The following SPEN variants were observed in gnomAD, a reference collection of about 807,000 sequenced individuals.
SPEN encodes spen family transcriptional repressor.
A neutral mutation model predicts 269.9 loss-of-function variants in SPEN; 18 were observed. The observed-to-expected ratio is 0.07, with a 90% CI of 0.05 to 0.10. The LOEUF is 0.10. Ranked by LOEUF, SPEN falls within the 10% of genes least tolerant of loss-of-function variation. SPEN has a pLI of 1.00. For synonymous variants in SPEN, 1,726 were observed against 1,765.7 expected (o/e 0.98, Z 0.56); for missense variants, 3,822 against 4,631.2 (o/e 0.83, Z 5.07).
In SPEN at chr1:15,934,944, G is replaced by A; in HGVS notation, c.8704G>A (p.Val2902Met). Residue 2902 changes from valine to methionine, a missense_variant, in exon 11 of 15, where the codon GTG (valine) becomes ATG (methionine). Physicochemically the swap from Val to Met is conservative, Grantham distance 21 (BLOSUM62 1). Coordinates refer to ENST00000375759, the MANE Select transcript of SPEN (RefSeq NM_015001.3). The surrounding 1 kb of genome is among the most constrained non-coding windows in gnomAD (Gnocchi z 9.2). The stretch of plus-strand genomic sequence containing the variant: ...TAATGCCTCTCCTGTGATTTCGTCT[G>A]TGAAGGCCGATAGGCCATCCTTGGA... ...TYNASPVISS[V>M]KADRPSLEKP... 6.2e-7 allele frequency: 1 copy of A among 1,613,982 alleles called. No individual in the cohort carries two copies. Among genetic ancestry groups the A allele is most frequent in the South Asian group, 1.1e-5 (1 of 91,074 alleles).
chr1:15,882,246 A>G (rs1207484559), intron 3 of SPEN, among the ~76,000 whole-genome samples: 1 of 152,218 alleles, frequency 6.6e-6, no homozygotes, highest in Non-Finnish European at 1.5e-5. Flanking sequence ...CTTTCAACAG[A>G]ACATTTTAAA....
chr1:15,876,633 C>T lies in SPEN; in HGVS notation c.836C>T (p.Ser279Phe), dbSNP rs763187352. The change falls in exon 3 of 15, where the codon TCC becomes TTC. Residue 279 changes from serine (S) to phenylalanine (F), a missense_variant. Transcript: ENST00000375759. ...PSGSGSRSRS[S>F]SSDSISSSSS... ...GGCAGCGGCTCTAGAAGTAGATCCT[C>T]CAGTAGTGATTCAATCAGCAGCAGC... 1 of 1,613,720 alleles carries T rather than the reference C, an allele frequency of 6.2e-7. No homozygotes were observed.
intron 3 of SPEN, among the ~76,000 whole-genome samples, chr1:15,884,597 A>G (rs1219198999): frequency 6.6e-6 from 1 of 152,166 alleles, no homozygotes; most frequent in Non-Finnish European, 1.5e-5. Context: ...AAGGAATGCT[A>G]ATTTTATTAC....
chr1:15,934,276 T>C lies in SPEN; in HGVS notation c.8036T>C (p.Leu2679Pro), dbSNP rs1363260197. 1 of 1,614,072 alleles carries C rather than the reference T, an allele frequency of 6.2e-7. No individual in the cohort carries two copies. The highest frequency in any genetic ancestry group is 1.3e-5 in the African/African-American group (1 of 74,916). The change falls in exon 11 of 15, where the codon CTG (leucine) becomes CCG (proline). Residue 2679 changes from leucine to proline, a missense_variant. Physicochemically the swap from Leu to Pro is moderately conservative, Grantham distance 98. Around this residue, in one of 16 missense-constraint regions of SPEN, gnomAD observed 329 missense variants for 431.2 expected, o/e 0.76. Coordinates refer to ENST00000375759, the MANE Select transcript of SPEN (RefSeq NM_015001.3). The surrounding 1 kb of genome is among the most constrained non-coding windows in gnomAD (Gnocchi z 9.2). ...KGPVKGSVTT[L>P]KSLVSTPAGP... Reference sequence around the variant, plus strand: ...CCCGTGAAGGGCTCAGTGACCACACTGAAAAGTTTGGTGAGCACCCCTGCT... The same window carrying C: ...CCCGTGAAGGGCTCAGTGACCACACCGAAAAGTTTGGTGAGCACCCCTGCT...
rs914810214 is a variant in SPEN, at chr1:15,936,418, A to T, written c.10026+152A>T. ...CACTGTGGGAGGCCCAGATGGGAGG[A>T]CTGCTTAAGCCCGGGAGTTCGAGAC... is the stretch of plus-strand genomic sequence containing the variant. On this transcript the variant is annotated intron_variant, in intron 11 of 14. Coordinates refer to ENST00000375759, the MANE Select transcript of SPEN (RefSeq NM_015001.3). The T allele has an allele frequency of 8.7e-6, 11 of 1,257,362 alleles. No individual in the cohort carries two copies. The African/African-American group carries it at 1.5e-4, about 17-fold the overall frequency. 77.9% of individuals were successfully genotyped at this position (1,257,362 alleles called of 1,614,324 possible).
At chr1:15,864,702 T>G (rs1376170495) in intron 1 of SPEN, among the ~76,000 whole-genome samples, 1 of 149,242 alleles carries the variant, frequency 6.7e-6, no homozygotes, top group African/African-American at 2.5e-5. Context: ...CTGGAACTAC[T>G]GGGCTCGAGC....
intron 1 of SPEN, among the ~76,000 whole-genome samples, chr1:15,859,358 CTTTTTTTTTT>C (rs143092339): frequency 8.7e-6 from 1 of 115,606 alleles, no homozygotes; most frequent in East Asian, 2.5e-4. Flanking sequence ...TTTTTCTTTT[CTTTTTTTTTT>C]TTTTTTTGAG....
At chr1:15,891,293 C>A (rs1418006307) in intron 3 of SPEN, among the ~76,000 whole-genome samples, 4 of 151,846 alleles carry the variant, frequency 2.6e-5, no homozygotes, top group Non-Finnish European at 4.4e-5. Context: ...CTCAAGGGAT[C>A]CCCTCACCTC....
intron 1 of SPEN, among the ~76,000 whole-genome samples, chr1:15,865,506 T>C (rs2070496350): frequency 6.9e-6 from 1 of 144,328 alleles, no homozygotes; most frequent in African/African-American, 2.6e-5. Flanking sequence ...CACTGCAGCC[T>C]CCACCTCCTG....
chr1:15,924,215 GAAA>G, intron 10 of SPEN, among the ~76,000 whole-genome samples: 2 of 152,192 alleles, frequency 1.3e-5, no homozygotes, highest in African/African-American at 4.8e-5. Context: ...TGTCAAGAGA[GAAA>G]AAAATTCTCT....
intron 3 of SPEN, among the ~76,000 whole-genome samples, chr1:15,896,516 C>A (rs2070844089): frequency 6.6e-6 from 1 of 152,044 alleles, no homozygotes; most frequent in Non-Finnish European, 1.5e-5. Flanking sequence ...CTTTAGTGAC[C>A]ATCAACACTA....
chr1:15,873,964 G>C (rs1012763882), intron 2 of SPEN: 2 of 1,195,992 alleles, frequency 1.7e-6, no homozygotes, highest in African/African-American at 3.2e-5. Flanking sequence ...GTGATGATCA[G>C]TTGTGGATAC....
At position 15,890,558 on chromosome 1, in the gene SPEN, G is replaced by T. The variant is rs4661671; in HGVS notation, c.881+13880G>T. On this transcript the variant is annotated intron_variant, in intron 3 of 14. Transcript: ENST00000375759. The stretch of plus-strand genomic sequence containing the variant: ...TTGATATTTTTAGATTTTGACTCAG[G>T]TTTTTTTTTTTTTTTTTTTTTTAAG... Among the ~76,000 whole-genome samples, 213 of 129,750 alleles carry T rather than the reference G, an allele frequency of 1.6e-3. 3 individuals carry two copies. The highest frequency in any genetic ancestry group is 2.2e-3 in the Non-Finnish European group (136 of 61,402). The allele number at this position is 129,750 out of a possible 152,430, so 85.1% of individuals were successfully genotyped here.
chr1:15,876,116 C>A, intron 2 of SPEN, 86 bp from the exon 3 acceptor site: 1 of 1,021,542 alleles, frequency 9.8e-7, no homozygotes, highest in Non-Finnish European at 1.5e-6. Context: ...AAGACAAAGA[C>A]AATGCTGAAG....
chr1:15,894,792 C>T (rs933883690), intron 3 of SPEN, among the ~76,000 whole-genome samples: 1 of 151,956 alleles, frequency 6.6e-6, no homozygotes, highest in Non-Finnish European at 1.5e-5. Context: ...GCCTTGGCCT[C>T]CCAAATGCTG....
chr1:15,857,710 G>A (rs752629708), intron 1 of SPEN, among the ~76,000 whole-genome samples: 4 of 151,886 alleles, frequency 2.6e-5, no homozygotes, highest in Non-Finnish European at 4.4e-5. Context: ...ACCCAGGTTG[G>A]AGTGTAATGG....
intron 3 of SPEN, among the ~76,000 whole-genome samples, chr1:15,890,166 G>C (rs2070775074): frequency 6.6e-6 from 1 of 152,208 alleles, no homozygotes; most frequent in African/African-American, 2.4e-5. Flanking sequence ...ATTTGGTATG[G>C]AAGAGAGATG....
chr1:15,873,525 T>G (rs2070601882), intron 2 of SPEN: 2 of 997,954 alleles, frequency 2.0e-6, no homozygotes. Flanking sequence ...TTCTGGAATA[T>G]TAGAGCCTAC....
Position 15,922,364 on chromosome 1 carries a change from C to T in SPEN, c.1850+15C>T. The T allele has an allele frequency of 6.4e-7, 1 of 1,554,632 alleles. No individual in the cohort carries two copies. Among genetic ancestry groups the T allele is most frequent in the Non-Finnish European group, 8.8e-7 (1 of 1,142,110 alleles). Reference sequence around the variant, plus strand: ...GCCGAAAGAAGGTATGTATTTTAAACTTACCAGTGTAGCTTGAGTTTTAAT... The same window carrying T: ...GCCGAAAGAAGGTATGTATTTTAAATTTACCAGTGTAGCTTGAGTTTTAAT... On this transcript the variant is annotated intron_variant, in intron 10 of 14. Coordinates refer to ENST00000375759, the MANE Select transcript of SPEN (RefSeq NM_015001.3).
Sources: gnomAD v4.1 joint callset for allele counts (sites outside exome capture counted in the v4.1 genomes callset) on GRCh38, gnomAD v4.1.1 for gene constraint, gnomAD v4.1.1 regional missense constraint, Gnocchi (gnomAD v3.1) non-coding constraint, MANE v1.5 for transcripts, NCBI Gene and HGNC (gene_info 2026-07-23, HGNC 2026-07-21) for gene names.